The following SPMIP3 variants were observed in gnomAD, a reference collection of about 807,000 sequenced individuals.
The protein encoded by SPMIP3 is sperm microtubule inner protein 3, also known as protein SPMIP3.
the SPMIP3 span, among the ~76,000 whole-genome samples, chr1:244,361,235 C>CTTTTATTTT: frequency 8.4e-6 from 1 of 119,314 alleles, no homozygotes; most frequent in Non-Finnish European, 1.7e-5. Flanking sequence ...TTCTTTCTTT[C>CTTTTATTTT]TTTTTTTTTT....
the SPMIP3 span, among the ~76,000 whole-genome samples, chr1:244,374,761 T>C: frequency 9.0e-4 from 136 of 150,506 alleles, no homozygotes; most frequent in Middle Eastern, 3.4e-3. Context: ...CACGTCCAGC[T>C]TTTTTTTTGT....
chr1:244,389,072 A>G, the SPMIP3 span: 3 of 1,603,856 alleles, frequency 1.9e-6, no homozygotes, highest in Admixed American at 5.1e-5. Context: ...TAAAATAACC[A>G]CGGCATTCGA....
the SPMIP3 span, among the ~76,000 whole-genome samples, chr1:244,356,533 C>T: frequency 7.7e-4 from 117 of 152,246 alleles, 3 homozygotes; most frequent in Non-Finnish European, 1.8e-4. Context: ...GGCTCACCTT[C>T]TGAACACCAA....
chr1:244,380,679 C>T, the SPMIP3 span, among the ~76,000 whole-genome samples: 1 of 152,134 alleles, frequency 6.6e-6, no homozygotes, highest in Non-Finnish European at 1.5e-5. Context: ...CACACCTGAG[C>T]GTCACCTGTA....
At chr1:244,367,098 G>A in the SPMIP3 span, among the ~76,000 whole-genome samples, 1 of 152,060 alleles carries the variant, frequency 6.6e-6, no homozygotes, top group Non-Finnish European at 1.5e-5. Flanking sequence ...GTGCGGTCTA[G>A]GGAGGAGGAA....
chr1:244,382,011 G>C, the SPMIP3 span, among the ~76,000 whole-genome samples: 1 of 152,204 alleles, frequency 6.6e-6, no homozygotes, highest in Non-Finnish European at 1.5e-5. Context: ...GTGTGCAGAG[G>C]ATTACACAAG....
At chr1:244,386,179 A>G in the SPMIP3 span, among the ~76,000 whole-genome samples, 1 of 152,226 alleles carries the variant, frequency 6.6e-6, no homozygotes, top group African/African-American at 2.4e-5. Flanking sequence ...ATCCATCTCA[A>G]ACAAACAAAA....
the SPMIP3 span, among the ~76,000 whole-genome samples, chr1:244,365,791 C>T: frequency 6.6e-6 from 1 of 152,152 alleles, no homozygotes; most frequent in Non-Finnish European, 1.5e-5. Flanking sequence ...TTGGGAAGAG[C>T]TTTAGTGAGA....
At chr1:244,355,190 C>A in the SPMIP3 span, among the ~76,000 whole-genome samples, 2 of 152,182 alleles carry the variant, frequency 1.3e-5, no homozygotes, top group African/African-American at 2.4e-5. Context: ...TTTCTATAAA[C>A]TAACAGTAAT....
chr1:244,363,454 A>G, the SPMIP3 span, among the ~76,000 whole-genome samples: 1 of 152,112 alleles, frequency 6.6e-6, no homozygotes, highest in South Asian at 2.1e-4. Context: ...GACTAGAAAC[A>G]ACCTATATGT....
the SPMIP3 span, among the ~76,000 whole-genome samples, chr1:244,382,270 G>A: frequency 1.3e-5 from 2 of 152,074 alleles, no homozygotes; most frequent in Non-Finnish European, 2.9e-5. Flanking sequence ...GAAATAAGCA[G>A]GGAGATGAGG....
the SPMIP3 span, among the ~76,000 whole-genome samples, chr1:244,368,365 G>A: frequency 1.3e-5 from 2 of 152,206 alleles, no homozygotes; most frequent in African/African-American, 2.4e-5. Flanking sequence ...AGGTGCATCT[G>A]AACTCCTTTA....
chr1:244,375,164 G>A, the SPMIP3 span: 7 of 363,012 alleles, frequency 1.9e-5, no homozygotes, highest in South Asian at 1.8e-4. Flanking sequence ...GGAGGCCTGC[G>A]AGGCCCATAC....
the SPMIP3 span, among the ~76,000 whole-genome samples, chr1:244,358,251 G>A: frequency 6.9e-5 from 9 of 130,936 alleles, no homozygotes; most frequent in African/African-American, 2.4e-4. Context: ...GAAAAGAAAA[G>A]AAAATTAAAA....
At chr1:244,377,056 C>T in the SPMIP3 span, among the ~76,000 whole-genome samples, 1 of 152,216 alleles carries the variant, frequency 6.6e-6, no homozygotes, top group African/African-American at 2.4e-5. Context: ...GATCCGCCAA[C>T]CTCGGCCTCC....
the SPMIP3 span, among the ~76,000 whole-genome samples, chr1:244,361,218 C>CTTTT: frequency 7.2e-5 from 8 of 111,636 alleles, no homozygotes; most frequent in South Asian, 2.8e-3. Flanking sequence ...TCGTACATTT[C>CTTTT]TTTTTTTTCT....
chr1:244,357,666 C>T, the SPMIP3 span, among the ~76,000 whole-genome samples: 118 of 145,470 alleles, frequency 8.1e-4, no homozygotes, highest in African/African-American at 2.9e-3. Context: ...CCAAGATGTG[C>T]CACTGCACTC....
the SPMIP3 span, among the ~76,000 whole-genome samples, chr1:244,363,765 T>C: frequency 6.6e-6 from 1 of 152,212 alleles, no homozygotes; most frequent in African/African-American, 2.4e-5. Flanking sequence ...AATTGCTTCT[T>C]GAATGCCCCA....
chr1:244,366,162 T>C, the SPMIP3 span, among the ~76,000 whole-genome samples: 1 of 152,024 alleles, frequency 6.6e-6, no homozygotes. Flanking sequence ...AAGCCTCGTG[T>C]TTAGTTTATT....
Sources: gnomAD v4.1 joint callset for allele counts (sites outside exome capture counted in the v4.1 genomes callset) on GRCh38, gnomAD v4.1.1 for gene constraint, MANE v1.5 for transcripts, NCBI Gene and HGNC (gene_info 2026-07-23, HGNC 2026-07-21) for gene names.